The following LONP2 variants were observed in gnomAD, a reference collection of about 807,000 sequenced individuals.
LONP2 encodes the protein lon peptidase 2, peroxisomal, also known as lon protease homolog 2, peroxisomal.
LONP2 carries 60 observed loss-of-function variants against 85.6 expected under a neutral mutation model. The ratio of observed to expected loss-of-function variants is 0.70; its 90% CI spans 0.57 to 0.87. The LOEUF is 0.87. Ranked by LOEUF, LONP2 falls within the 40% of genes least tolerant of loss-of-function variation. The pLI, the probability that LONP2 is intolerant of heterozygous loss-of-function variation, is 0.00. For missense variants in LONP2, 860 were observed against 1,063.5 expected (o/e 0.81, Z 2.66); for synonymous variants, 395 against 389.7 (o/e 1.01, Z -0.16).
chr16:48,346,867 T>C (rs773118169), intron 12 of LONP2, among the ~76,000 whole-genome samples: 1 of 152,144 alleles, frequency 6.6e-6, no homozygotes, highest in African/African-American at 2.4e-5. Context: ...TGCAGCCCAA[T>C]AGGCTGGGTG....
chr16:48,279,684 G>C (rs147265633), intron 8 of LONP2, among the ~76,000 whole-genome samples: 1 of 152,132 alleles, frequency 6.6e-6, no homozygotes, highest in Non-Finnish European at 1.5e-5. Context: ...GGATCTGACT[G>C]CTTCCTAAAT....
chr16:48,297,495 G>A (rs1036434455), intron 9 of LONP2, among the ~76,000 whole-genome samples: 4 of 151,636 alleles, frequency 2.6e-5, no homozygotes, highest in African/African-American at 2.4e-5. Context: ...TTGTTAGTAG[G>A]GACAGGGTTT....
intron 11 of LONP2, among the ~76,000 whole-genome samples, chr16:48,329,560 T>C (rs1156576730): frequency 6.6e-6 from 1 of 152,212 alleles, no homozygotes; most frequent in African/African-American, 2.4e-5. Flanking sequence ...AATTTATAAA[T>C]TAAACATGAT....
downstream of LONP2, among the ~76,000 whole-genome samples, chr16:48,359,847 G>T (rs1204315060): frequency 6.6e-6 from 1 of 152,224 alleles, no homozygotes; most frequent in African/African-American, 2.4e-5. Context: ...TCCAGAATCA[G>T]TGGTGGGATA....
rs1377399229 is a variant in LONP2, at chr16:48,355,095, G to A, written c.*3293G>A. On this transcript the variant is annotated 3_prime_UTR_variant, in exon 15 of 15. Transcript: ENST00000285737. ...CCCCCTCTTGGGTATTATGAGTAAT[G>A]CTATGAACATGGGTGTACACATCTC... The A allele has an allele frequency of 4.6e-5, 7 of 152,020 alleles. No homozygotes were observed. The highest frequency in any genetic ancestry group is 1.7e-4 in the African/African-American group (7 of 41,376). The allele number at this position is 152,020 out of a possible 1,614,324, so 9.4% of individuals were successfully genotyped here. A position where few individuals can be genotyped will look rare whatever the true frequency, so the allele number is the denominator to read the frequency against.
At position 48,310,733 on chromosome 16, in the gene LONP2, C is replaced by A. The variant is rs185450299; in HGVS notation, c.1795+7428C>A. Reference sequence around the variant, plus strand: ...TGTCATGTTGCCCTTTTATTTCTTTCTTTTCCTTATTTGTATAATTGTTTC... The same window carrying A: ...TGTCATGTTGCCCTTTTATTTCTTTATTTTCCTTATTTGTATAATTGTTTC... On this transcript the variant is annotated intron_variant, in intron 11 of 14. Transcript: ENST00000285737. Among the ~76,000 whole-genome samples, 5 of 152,186 alleles carry A rather than the reference C, an allele frequency of 3.3e-5. No homozygotes were observed. The East Asian group carries it at 7.7e-4, about 24-fold the overall frequency.
chr16:48,303,080 T>C, intron 10 of LONP2, 92 bp from the exon 11 acceptor site: 9 of 1,406,782 alleles, frequency 6.4e-6, no homozygotes, highest in African/African-American at 1.4e-5. Context: ...CTTTTAAATG[T>C]ACACTGTTTT....
chr16:48,258,802 A>G, intron 4 of LONP2, 62 bp downstream of exon 4: 2 of 1,462,170 alleles, frequency 1.4e-6, no homozygotes, highest in Non-Finnish European at 1.8e-6. Context: ...AAAGAGAGGA[A>G]CAAAGAAGAA....
chr16:48,297,561 C>G (rs1267664092), intron 9 of LONP2, among the ~76,000 whole-genome samples: 1 of 152,228 alleles, frequency 6.6e-6, no homozygotes, highest in Admixed American at 6.5e-5. Context: ...TCACCCGCCT[C>G]AGCCTCCAAA....
chr16:48,286,403 A>G (rs778838758), intron 8 of LONP2, among the ~76,000 whole-genome samples: 5 of 152,116 alleles, frequency 3.3e-5, no homozygotes, highest in Non-Finnish European at 7.3e-5. Context: ...GGCCTCCCAA[A>G]GTGCTGAGAT....
intron 11 of LONP2, among the ~76,000 whole-genome samples, chr16:48,313,033 C>A (rs1973067718): frequency 6.6e-6 from 1 of 152,290 alleles, no homozygotes; most frequent in South Asian, 2.1e-4. Context: ...TACATTGTTT[C>A]AAGAATTACT....
At chr16:48,335,591 G>C (rs1175916161) in intron 12 of LONP2, among the ~76,000 whole-genome samples, 1 of 152,038 alleles carries the variant, frequency 6.6e-6, no homozygotes, top group Non-Finnish European at 1.5e-5. Flanking sequence ...ATCAGTTTAA[G>C]GAAAAAATAT....
At chr16:48,307,648 G>A (rs1972939438) in intron 11 of LONP2, among the ~76,000 whole-genome samples, 1 of 151,318 alleles carries the variant, frequency 6.6e-6, no homozygotes. Context: ...AAGAACCTGG[G>A]TAGATACTAG....
intron 6 of LONP2, among the ~76,000 whole-genome samples, chr16:48,267,223 G>A (rs893279942): frequency 1.4e-4 from 21 of 152,160 alleles, no homozygotes; most frequent in African/African-American, 4.6e-4. Context: ...AAGGAGTCAT[G>A]TTAAGCTCCT....
At chr16:48,269,252 A>G (rs1230852909) in intron 6 of LONP2, among the ~76,000 whole-genome samples, 1 of 151,974 alleles carries the variant, frequency 6.6e-6, no homozygotes, top group South Asian at 2.1e-4. Context: ...GATAAGCTGA[A>G]AGAAATCATT....
intron 8 of LONP2, among the ~76,000 whole-genome samples, chr16:48,291,873 A>T (rs1450671609): frequency 6.6e-6 from 1 of 152,180 alleles, no homozygotes; most frequent in Non-Finnish European, 1.5e-5. Flanking sequence ...ATGTCTTTTT[A>T]TGCTTTTGAA....
intron 11 of LONP2, among the ~76,000 whole-genome samples, chr16:48,313,243 G>A (rs897573693): frequency 4.6e-5 from 7 of 152,130 alleles, no homozygotes; most frequent in Middle Eastern, 3.4e-3. Flanking sequence ...ATCTAGTTGG[G>A]GAGAATTGAC....
rs141169932 is a variant in LONP2 at position 48,304,958 on chromosome 16, A to G, written c.1795+1653A>G. Among the ~76,000 whole-genome samples the G allele has an allele frequency of 3.2e-4, 48 of 152,298 alleles. No individual in the cohort carries two copies. In the East Asian group the frequency reaches 7.5e-3, roughly 24 times the overall value. ...CATAATTTATGGTGGACCCAGTTGA[A>G]CAGACACAGCCAAATGTCTTTCTTG... On this transcript the variant is annotated intron_variant, in intron 11 of 14. Transcript: ENST00000285737.
intron 8 of LONP2, among the ~76,000 whole-genome samples, chr16:48,280,981 C>T (rs1465909247): frequency 6.6e-6 from 1 of 152,172 alleles, no homozygotes; most frequent in South Asian, 2.1e-4. Context: ...CTCAATTACA[C>T]AACACGTTAC....
Sources: gnomAD v4.1 joint callset for allele counts (sites outside exome capture counted in the v4.1 genomes callset) on GRCh38, gnomAD v4.1.1 for gene constraint, MANE v1.5 for transcripts, NCBI Gene and HGNC (gene_info 2026-07-23, HGNC 2026-07-21) for gene names.